MPP7: variants seen among roughly 807,000 people sequenced by gnomAD.
MPP7 encodes the protein MAGUK p55 subfamily member 7.
In MPP7, 60 loss-of-function variants were observed where a neutral mutation model predicts 76.5. The observed-to-expected ratio is 0.78, with a 90% CI of 0.64 to 0.97. The LOEUF is 0.97. Ranked by LOEUF, MPP7 falls within the 50% of genes least tolerant of loss-of-function variation. The pLI is 0.00. For synonymous variants in MPP7, 237 were observed against 244.5 expected, an observed-to-expected ratio of 0.97 and a Z score of 0.29; for missense variants, 641 against 694.0, an observed-to-expected ratio of 0.92 and a Z score of 0.86.
chr10:28,072,673 G>A (rs910267765), intron 12 of MPP7, among the ~76,000 whole-genome samples: 1 of 152,164 alleles, frequency 6.6e-6, no homozygotes, highest in Admixed American at 6.5e-5. Context: ...CTGACTTCCT[G>A]ATCTCTGGTG....
At chr10:28,223,141 A>G (rs1009465588) in intron 2 of MPP7, among the ~76,000 whole-genome samples, 34 of 152,252 alleles carry the variant, frequency 2.2e-4, no homozygotes, top group Non-Finnish European at 4.7e-4. Context: ...CTCAAAAAAA[A>G]AAAGCCTCCC....
intron 3 of MPP7, among the ~76,000 whole-genome samples, chr10:28,163,321 G>A (rs553961104): frequency 6.6e-6 from 1 of 152,218 alleles, no homozygotes; most frequent in East Asian, 1.9e-4. Context: ...GATCTTTAAG[G>A]CTGACTCCTT....
At chr10:28,158,166 A>G (rs1836132918) in intron 3 of MPP7, among the ~76,000 whole-genome samples, 1 of 152,142 alleles carries the variant, frequency 6.6e-6, no homozygotes, top group Non-Finnish European at 1.5e-5. Flanking sequence ...TCTTGCCCCA[A>G]AACTGATGAC....
At chr10:28,168,027 G>T (rs969231718) in intron 3 of MPP7, among the ~76,000 whole-genome samples, 2 of 152,118 alleles carry the variant, frequency 1.3e-5, no homozygotes, top group African/African-American at 2.4e-5. Flanking sequence ...ACTTGAGGTT[G>T]TAAGTTTGAG....
chr10:28,223,631 C>G (rs1304158741), intron 2 of MPP7, among the ~76,000 whole-genome samples: 1 of 152,074 alleles, frequency 6.6e-6, no homozygotes, highest in African/African-American at 2.4e-5. Context: ...GCCATACATT[C>G]TACTGAGTAA....
intron 3 of MPP7, 97 bp from the exon 4 acceptor site, chr10:28,150,156 A>C: frequency 1.2e-6 from 1 of 821,148 alleles, no homozygotes; most frequent in Non-Finnish European, 2.0e-6. Flanking sequence ...GAATCCTTGA[A>C]TATCCTAAAG....
At chr10:28,128,068 T>C (rs997397661) in intron 6 of MPP7, among the ~76,000 whole-genome samples, 2 of 152,126 alleles carry the variant, frequency 1.3e-5, no homozygotes, top group African/African-American at 2.4e-5. Flanking sequence ...GGAGTCAGCT[T>C]ATGTGCTTTA....
intron 1 of MPP7, among the ~76,000 whole-genome samples, chr10:28,298,511 G>A (rs1049166135): frequency 2.6e-5 from 4 of 152,150 alleles, no homozygotes; most frequent in Middle Eastern, 3.2e-3. Context: ...AGTAAACCAC[G>A]CCATAAACAG....
chr10:28,273,503 G>A lies in MPP7; in HGVS notation c.-132+29358C>T, dbSNP rs905579302. 7.2e-5 allele frequency among the ~76,000 whole-genome samples: 11 copies of A among 152,234 alleles called. No homozygotes were observed. In the East Asian group the frequency reaches 1.5e-3, roughly 21 times the overall value. On this transcript the variant is annotated intron_variant, in intron 1 of 16. Coordinates refer to ENST00000683449, the MANE Select transcript of MPP7 (RefSeq NM_001318170.2). ...AGACAGACATAAGCAATTGCTCGGCGTAGCCTCTCCTACAGAAGAGTTACC... is the reference window on the plus strand; with the variant it reads ...AGACAGACATAAGCAATTGCTCGGCATAGCCTCTCCTACAGAAGAGTTACC...
intron 1 of MPP7, among the ~76,000 whole-genome samples, chr10:28,250,613 C>T (rs1276598808): frequency 1.3e-5 from 2 of 152,154 alleles, no homozygotes; most frequent in Non-Finnish European, 2.9e-5. Context: ...ATGATTCAAC[C>T]GCACTTTCAT....
intron 2 of MPP7, among the ~76,000 whole-genome samples, chr10:28,329,015 T>G (rs998831169): frequency 5.3e-5 from 8 of 152,212 alleles, no homozygotes; most frequent in Non-Finnish European, 1.5e-5. Context: ...GTACTGATAT[T>G]TTCTGTTCAT....
chr10:28,222,530 CT>C (rs1838545362), intron 2 of MPP7, among the ~76,000 whole-genome samples: 1 of 151,316 alleles, frequency 6.6e-6, no homozygotes, highest in Non-Finnish European at 1.5e-5. Flanking sequence ...AAAAGCAAAA[CT>C]TTTTTGTGGC....
At chr10:28,196,155 C>T (rs1837574548) in intron 3 of MPP7, among the ~76,000 whole-genome samples, 1 of 152,150 alleles carries the variant, frequency 6.6e-6, no homozygotes, top group African/African-American at 2.4e-5. Context: ...CTATTCTGTC[C>T]AATCCAGAAC....
intron 3 of MPP7, among the ~76,000 whole-genome samples, chr10:28,186,671 T>C (rs959191768): frequency 3.3e-5 from 5 of 152,230 alleles, no homozygotes; most frequent in African/African-American, 1.2e-4. Flanking sequence ...CCACCTGTCA[T>C]GGCATTAAAG....
At chr10:28,317,411 G>T (rs557706817) in intron 2 of MPP7, among the ~76,000 whole-genome samples, 3 of 152,180 alleles carry the variant, frequency 2.0e-5, no homozygotes, top group Non-Finnish European at 4.4e-5. Flanking sequence ...CATGCCTGTA[G>T]CCTCAACTAC....
intron 13 of MPP7, among the ~76,000 whole-genome samples, chr10:28,061,174 C>T (rs573330340): frequency 6.7e-6 from 1 of 150,332 alleles, no homozygotes; most frequent in African/African-American, 2.4e-5. Flanking sequence ...AAAAACAAAA[C>T]AAAACAAAAA....
intron 1 of MPP7, among the ~76,000 whole-genome samples, chr10:28,282,831 A>C (rs1840709595): frequency 6.6e-6 from 1 of 151,916 alleles, no homozygotes; most frequent in African/African-American, 2.4e-5. Context: ...CCTGACCCCC[A>C]CAACAACAAC....
At chr10:28,282,459 C>CA (rs1264185410) in intron 1 of MPP7, among the ~76,000 whole-genome samples, 13 of 152,016 alleles carry the variant, frequency 8.6e-5, no homozygotes, top group Non-Finnish European at 1.9e-4. Context: ...TGAGCAACTG[C>CA]AAATTTGCTA....
intron 3 of MPP7, among the ~76,000 whole-genome samples, chr10:28,200,442 CACT>C (rs1027577537): frequency 1.4e-4 from 22 of 152,236 alleles, no homozygotes; most frequent in African/African-American, 3.6e-4. Context: ...TTATTCGCTC[CACT>C]GTTTTTATGA....
Sources: gnomAD v4.1 joint callset for allele counts (sites outside exome capture counted in the v4.1 genomes callset) on GRCh38, gnomAD v4.1.1 for gene constraint, MANE v1.5 for transcripts, NCBI Gene and HGNC (gene_info 2026-07-23, HGNC 2026-07-21) for gene names.